STAG1: variants seen among roughly 807,000 people sequenced by gnomAD.
The protein encoded by STAG1 is STAG1 cohesin complex component.
In STAG1, 26 loss-of-function variants were observed where a neutral mutation model predicts 170.9. That is an observed-to-expected ratio of 0.15 (90% confidence interval 0.11 to 0.21). STAG1 has a LOEUF of 0.21. STAG1 is among the 10% of genes least tolerant of loss of function. The pLI is 1.00. For missense variants in STAG1, 964 were observed against 1,509.5 expected (o/e 0.64, Z 5.99); for synonymous variants, 514 against 497.7 (o/e 1.03, Z -0.44).
At chr3:136,469,005 T>G (rs1031129275) in intron 12 of STAG1, among the ~76,000 whole-genome samples, 1 of 152,076 alleles carries the variant, frequency 6.6e-6, no homozygotes, top group Non-Finnish European at 1.5e-5. Flanking sequence ...TAAGAGCTAT[T>G]TATGACAAAC....
At chr3:136,567,724 A>T (rs1451740035) in intron 5 of STAG1, among the ~76,000 whole-genome samples, 1 of 152,180 alleles carries the variant, frequency 6.6e-6, no homozygotes, top group Admixed American at 6.5e-5. Context: ...AAACCCTTTC[A>T]TCTCAGTTTG....
At chr3:136,613,104 T>C (rs112327451) in intron 3 of STAG1, among the ~76,000 whole-genome samples, 176 of 151,912 alleles carry the variant, frequency 1.2e-3, no homozygotes, top group African/African-American at 2.4e-3. Flanking sequence ...AGATTGAGAC[T>C]ATCCTGGCTA....
chr3:136,587,001 C>G (rs1937864462), intron 4 of STAG1: 1 of 416,430 alleles, frequency 2.4e-6, no homozygotes, highest in Non-Finnish European at 4.7e-6. Context: ...ATAGCTACCA[C>G]TAACTCTGGT....
intron 25 of STAG1, among the ~76,000 whole-genome samples, chr3:136,366,080 TA>T (rs1937064426): frequency 6.6e-6 from 1 of 152,082 alleles, no homozygotes; most frequent in African/African-American, 2.4e-5. Context: ...ATCACTACAA[TA>T]ATCATGCTGA....
At chr3:136,430,158 A>G (rs150813270) in intron 16 of STAG1, 3 of 152,320 alleles carry the variant, frequency 2.0e-5, no homozygotes, top group East Asian at 3.9e-4. Context: ...ATCCAAATTC[A>G]GTATATCTGC....
chr3:136,634,472 T>A (rs1940470422), intron 1 of STAG1, among the ~76,000 whole-genome samples: 1 of 151,182 alleles, frequency 6.6e-6, no homozygotes. Context: ...AACAACAGAA[T>A]CTCAAAATTT....
intron 9 of STAG1, among the ~76,000 whole-genome samples, chr3:136,488,546 C>T: frequency 6.6e-6 from 1 of 152,196 alleles, no homozygotes; most frequent in East Asian, 1.9e-4. Context: ...AATCATCTTA[C>T]ACAATTAGTT....
intron 30 of STAG1, 100 bp from the exon 31 acceptor site, chr3:136,341,651 G>C: frequency 4.2e-6 from 3 of 718,092 alleles, no homozygotes; most frequent in Non-Finnish European, 7.1e-6. Flanking sequence ...TTAATCCCAT[G>C]TTGGAGGAAT....
intron 28 of STAG1, among the ~76,000 whole-genome samples, chr3:136,356,919 A>AT (rs1219933509): frequency 4.2e-5 from 6 of 141,274 alleles, no homozygotes; most frequent in Middle Eastern, 3.7e-3. Context: ...TGCCTAGCTA[A>AT]TTTTTTTTTA....
chr3:136,375,904 G>A, intron 23 of STAG1, among the ~76,000 whole-genome samples: 1 of 151,430 alleles, frequency 6.6e-6, no homozygotes, highest in South Asian at 2.1e-4. Flanking sequence ...AGGAGGTGGA[G>A]GTTGCAGTGA....
chr3:136,379,479 C>T (rs1027816263), intron 22 of STAG1, among the ~76,000 whole-genome samples: 2 of 152,140 alleles, frequency 1.3e-5, no homozygotes, highest in Non-Finnish European at 2.9e-5. Flanking sequence ...GAGGCTGAGA[C>T]GGCCAGATCA....
intron 1 of STAG1, among the ~76,000 whole-genome samples, chr3:136,703,141 A>G (rs1328552501): frequency 6.6e-6 from 1 of 152,128 alleles, no homozygotes; most frequent in African/African-American, 2.4e-5. Flanking sequence ...GCTCCAAGAA[A>G]AAGTTCTTCC....
chr3:136,502,982 CTTG>C (rs1933560892), intron 7 of STAG1, among the ~76,000 whole-genome samples: 1 of 152,132 alleles, frequency 6.6e-6, no homozygotes, highest in Non-Finnish European at 1.5e-5. Flanking sequence ...CTCAGCTTGG[CTTG>C]TTAACACTTT....
At chr3:136,732,417 T>C (rs980853752) in intron 1 of STAG1, among the ~76,000 whole-genome samples, 4 of 152,094 alleles carry the variant, frequency 2.6e-5, no homozygotes, top group Non-Finnish European at 5.9e-5. Flanking sequence ...GATTCATAAA[T>C]AATCCTGATA....
At chr3:136,457,942 A>AAAAC (rs965411768) in intron 13 of STAG1, among the ~76,000 whole-genome samples, 4 of 152,148 alleles carry the variant, frequency 2.6e-5, no homozygotes, top group East Asian at 3.8e-4. Flanking sequence ...ACAAAAACAA[A>AAAAC]AAACAAACAA....
Position 136,422,934 on chromosome 3 carries a change from CTG to C in STAG1, c.1743+16_1743+17del. ...AAGCAAACTCAGTGACATAACAAAACTGTAAATGAAACTGTACCTTTGACAGT... is the reference window on the plus strand; with the variant it reads ...AAGCAAACTCAGTGACATAACAAAACTAAATGAAACTGTACCTTTGACAGT... On this transcript the variant is annotated intron_variant, in intron 17 of 33. Transcript: ENST00000383202. The C allele has an allele frequency of 6.3e-7, 1 of 1,590,438 alleles. No individual in the cohort carries two copies. The highest frequency in any genetic ancestry group is 8.6e-7 in the Non-Finnish European group (1 of 1,166,236).
chr3:136,369,355 A>T, intron 23 of STAG1, 73 bp from the exon 24 acceptor site: 2 of 1,267,766 alleles, frequency 1.6e-6, no homozygotes, highest in Non-Finnish European at 2.1e-6. Flanking sequence ...ATGAAAATGT[A>T]TGAAATTAAA....
intron 6 of STAG1, among the ~76,000 whole-genome samples, chr3:136,526,455 T>G (rs1053104085): frequency 6.6e-6 from 1 of 152,184 alleles, no homozygotes; most frequent in African/African-American, 2.4e-5. Flanking sequence ...TTGGTAGATC[T>G]TCCTCCATCC....
intron 9 of STAG1, among the ~76,000 whole-genome samples, chr3:136,479,161 T>C (rs952219041): frequency 4.8e-4 from 71 of 149,120 alleles, no homozygotes; most frequent in African/African-American, 1.7e-3. Context: ...TGTGCCATGC[T>C]GGTGCGCTGC....
Sources: gnomAD v4.1 joint callset for allele counts (sites outside exome capture counted in the v4.1 genomes callset) on GRCh38, gnomAD v4.1.1 for gene constraint, MANE v1.5 for transcripts, NCBI Gene and HGNC (gene_info 2026-07-23, HGNC 2026-07-21) for gene names.